Variants in PUS10 observed in about 807,000 individuals in gnomAD.
PUS10 encodes the protein pseudouridine synthase 10.
PUS10 carries 59 observed loss-of-function variants against 75.0 expected under a neutral mutation model. The observed-to-expected ratio is 0.79, with a 90% CI of 0.64 to 0.98. The LOEUF is 0.98. PUS10 is among the 50% of genes least tolerant of loss of function. The pLI is 0.00. For synonymous variants in PUS10, 219 were observed against 211.6 expected (o/e 1.03, Z -0.30); for missense variants, 650 against 614.4 (o/e 1.06, Z -0.61).
At chr2:60,971,422 G>T in intron 5 of PUS10, 101 bp downstream of exon 5, 3 of 1,018,032 alleles carry the variant, frequency 2.9e-6, no homozygotes, top group Admixed American at 3.5e-5. Context: ...AGTAGCTAGT[G>T]AATGCACTAT....
intron 5 of PUS10, 52 bp from the exon 6 acceptor site, chr2:60,967,665 T>C (rs1277399549): frequency 8.0e-7 from 1 of 1,246,528 alleles, no homozygotes; most frequent in Non-Finnish European, 1.1e-6. Context: ...ACTTTTTCTA[T>C]TAAAGGCAAG....
At chr2:60,985,938 CAAAAAAA>C (rs59173202) in intron 4 of PUS10, among the ~76,000 whole-genome samples, 3 of 82,148 alleles carry the variant, frequency 3.7e-5, no homozygotes, top group East Asian at 3.8e-4. Flanking sequence ...CAGACTTCAC[CAAAAAAA>C]AAAAAAAAAA....
In PUS10 at chr2:60,941,271, CTT is replaced by C. The variant is rs1347032829; in HGVS notation, c.*1122_*1123del. ...ACTATATAAGATTGTATTAAATAGT[CTT>C]GGGCTATTTTTTGGTAAGCTCTTTG... On this transcript the variant is annotated 3_prime_UTR_variant, in exon 18 of 18. Coordinates refer to ENST00000316752, the MANE Select transcript of PUS10 (RefSeq NM_144709.4). 4 of 152,098 alleles carry C rather than the reference CTT, an allele frequency of 2.6e-5. No homozygotes were observed. The highest frequency in any genetic ancestry group is 9.7e-5 in the African/African-American group (4 of 41,364). 9.4% of individuals were successfully genotyped at this position (152,098 alleles called of 1,614,324 possible). A position where few individuals can be genotyped will look rare whatever the true frequency, so the allele number is the denominator to read the frequency against.
At chr2:60,966,469 CA>C (rs1388580061) in intron 6 of PUS10, 1 of 152,004 alleles carries the variant, frequency 6.6e-6, no homozygotes, top group East Asian at 1.9e-4. Flanking sequence ...CTAATCTATA[CA>C]ATAATTAAAA....
chr2:61,010,907 A>G (rs1679556213), intron 2 of PUS10: 19 of 1,547,492 alleles, frequency 1.2e-5, no homozygotes, highest in Non-Finnish European at 1.6e-5. Flanking sequence ...AGAGACAATC[A>G]TAGTATGTAC....
intron 11 of PUS10, among the ~76,000 whole-genome samples, chr2:60,957,319 G>A (rs1675738355): frequency 6.6e-6 from 1 of 152,222 alleles, no homozygotes; most frequent in Admixed American, 6.5e-5. Context: ...GGAACGCGAT[G>A]CACAAGCCTT....
At chr2:60,945,372 G>A (rs576650143) in intron 16 of PUS10, among the ~76,000 whole-genome samples, 2 of 152,296 alleles carry the variant, frequency 1.3e-5, no homozygotes, top group South Asian at 2.1e-4. Context: ...ATCTCCAAGT[G>A]CCAAGGTTTG....
At chr2:61,010,765 T>G in intron 2 of PUS10, 1 of 1,549,210 alleles carries the variant, frequency 6.5e-7, no homozygotes, top group Non-Finnish European at 8.7e-7. Context: ...TTCAAATCCA[T>G]GTCTTCTAGT....
At chr2:60,944,343 G>A in intron 17 of PUS10, 1 of 421,974 alleles carries the variant, frequency 2.4e-6, no homozygotes, top group Non-Finnish European at 3.2e-6. Context: ...TTCACATTGG[G>A]CAACTATGCC....
At chr2:60,949,051 G>A (rs936262200) in intron 15 of PUS10, among the ~76,000 whole-genome samples, 1 of 152,158 alleles carries the variant, frequency 6.6e-6, no homozygotes, top group Non-Finnish European at 1.5e-5. Context: ...TCTCCACCAA[G>A]AAGAAAAGAG....
At chr2:60,944,302 C>T (rs1674806437) in intron 17 of PUS10, 12 of 764,224 alleles carry the variant, frequency 1.6e-5, no homozygotes, top group Admixed American at 1.2e-4. Flanking sequence ...GGAAGTAATA[C>T]TCCAGTGATC....
At chr2:60,960,941 T>G (rs1199476648) in intron 10 of PUS10, among the ~76,000 whole-genome samples, 1 of 151,938 alleles carries the variant, frequency 6.6e-6, no homozygotes, top group African/African-American at 2.4e-5. Flanking sequence ...GGATAGGATA[T>G]TATAGTCAAG....
chr2:60,957,272 T>C (rs944400994), intron 11 of PUS10, among the ~76,000 whole-genome samples: 8 of 152,212 alleles, frequency 5.3e-5, no homozygotes, highest in Admixed American at 3.3e-4. Context: ...TATAAGTGGT[T>C]CAGCTAATCT....
intron 17 of PUS10, among the ~76,000 whole-genome samples, chr2:60,943,503 G>A (rs1395120425): frequency 6.7e-6 from 1 of 149,546 alleles, no homozygotes; most frequent in Admixed American, 6.7e-5. Context: ...GTATCTATCT[G>A]TGGCTTTTAT....
intron 4 of PUS10, among the ~76,000 whole-genome samples, chr2:60,981,099 G>C (rs1161237481): frequency 6.6e-6 from 1 of 151,906 alleles, no homozygotes; most frequent in African/African-American, 2.4e-5. Context: ...CGCCATGTTG[G>C]CCAGGCTTGT....
chr2:61,011,645 GTTT>G lies in PUS10; in HGVS notation c.126+117_126+119del, dbSNP rs948372070. The G allele has an allele frequency of 5.9e-6, 4 of 673,346 alleles. No individual in the cohort carries two copies. The Admixed American group carries it at 1.2e-4, about 20-fold the overall frequency. The allele number at this position is 673,346 out of a possible 1,614,324, so 41.7% of individuals were successfully genotyped here. On this transcript the variant is annotated intron_variant, in intron 2 of 17. Coordinates refer to ENST00000316752, the MANE Select transcript of PUS10 (RefSeq NM_144709.4). ...TATGAATATCACTCATTTTATTATAGTTTTTTAATTTAAAAAAGAGTTATGAAT... is the reference window on the plus strand; with the variant it reads ...TATGAATATCACTCATTTTATTATAGTTTAATTTAAAAAAGAGTTATGAAT...
intron 4 of PUS10, among the ~76,000 whole-genome samples, chr2:60,993,370 T>A (rs1678237581): frequency 6.6e-6 from 1 of 151,636 alleles, no homozygotes; most frequent in Non-Finnish European, 1.5e-5. Context: ...GGCAGAAGAA[T>A]CACTTGAACC....
chr2:60,993,855 T>A (rs892622028), intron 4 of PUS10, among the ~76,000 whole-genome samples: 6 of 152,130 alleles, frequency 3.9e-5, no homozygotes, highest in Non-Finnish European at 7.3e-5. Flanking sequence ...AGTGGCGCGA[T>A]CTCGGCTCAC....
chr2:60,941,288 T>C lies in PUS10; in HGVS notation c.*1107A>G, dbSNP rs1431822962. On this transcript the variant is annotated 3_prime_UTR_variant, in exon 18 of 18. Transcript: ENST00000316752. ...TAAATAGTCTTGGGCTATTTTTTGG[T>C]AAGCTCTTTGATTTGGTAACTACAT... is the stretch of plus-strand genomic sequence containing the variant. 2.6e-5 allele frequency: 4 copies of C among 152,264 alleles called. No individual in the cohort carries two copies. Among genetic ancestry groups the C allele is most frequent in the Non-Finnish European group, 5.9e-5 (4 of 67,990 alleles). 9.4% of individuals were successfully genotyped at this position (152,264 alleles called of 1,614,324 possible).
Sources: gnomAD v4.1 joint callset for allele counts (sites outside exome capture counted in the v4.1 genomes callset) on GRCh38, gnomAD v4.1.1 for gene constraint, MANE v1.5 for transcripts, NCBI Gene and HGNC (gene_info 2026-07-23, HGNC 2026-07-21) for gene names.